ANO6: variants seen among roughly 807,000 people sequenced by gnomAD.
The protein encoded by ANO6 is anoctamin 6.
ANO6 carries 106 observed loss-of-function variants against 117.5 expected under a neutral mutation model. The observed-to-expected ratio is 0.90, with a 90% confidence interval of 0.77 to 1.06. The LOEUF is 1.06. ANO6 is among the 50% of genes least tolerant of loss of function. The pLI is 0.00. For synonymous variants in ANO6, 367 were observed against 385.1 expected (o/e 0.95, Z 0.55); for missense variants, 955 against 1,121.1 (o/e 0.85, Z 2.12).
At chr12:45,377,256 T>C (rs766484080) in intron 9 of ANO6, among the ~76,000 whole-genome samples, 2 of 152,178 alleles carry the variant, frequency 1.3e-5, no homozygotes, top group African/African-American at 2.4e-5. Flanking sequence ...TATAGTAATT[T>C]TTAGGAAATG....
Position 45,350,694 on chromosome 12 carries a change from C to A in ANO6, c.783C>A (p.Cys261Ter), listed in dbSNP as rs747076106. ...GCCGTCAGTCAGAGGATCCCAGCTGCCCTAATGAACGGTACCTTCTGTACA... is the reference window on the plus strand; with the variant it reads ...GCCGTCAGTCAGAGGATCCCAGCTGACCTAATGAACGGTACCTTCTGTACA... Reference protein sequence around the residue: ...KFRRQSEDPSCPNERYLLYRE... With the variant: ...KFRRQSEDPS The change falls in exon 7 of 20, where the codon TGC becomes TGA. Residue 261 changes from cysteine (C) to a stop codon, truncating the protein, a stop_gained. Transcript: ENST00000320560. LOFTEE classifies it high-confidence loss of function. The A allele has an allele frequency of 1.2e-6, 2 of 1,613,814 alleles. No homozygotes were observed. The highest frequency in any genetic ancestry group is 1.1e-5 in the South Asian group (1 of 91,062).
At chr12:45,279,225 A>G (rs752870091) in intron 1 of ANO6, among the ~76,000 whole-genome samples, 1 of 152,054 alleles carries the variant, frequency 6.6e-6, no homozygotes, top group Non-Finnish European at 1.5e-5. Flanking sequence ...CTCCTGCCCT[A>G]CCTTCAGTCC....
chr12:45,421,680 G>A (rs1436352891), intron 18 of ANO6, among the ~76,000 whole-genome samples: 1 of 152,192 alleles, frequency 6.6e-6, no homozygotes, highest in Non-Finnish European at 1.5e-5. Flanking sequence ...TAATACTATT[G>A]TGTTATTCAA....
At chr12:45,261,753 C>G (rs765332237) in intron 1 of ANO6, among the ~76,000 whole-genome samples, 2 of 152,320 alleles carry the variant, frequency 1.3e-5, no homozygotes, top group East Asian at 3.9e-4. Context: ...TGCATTTGAT[C>G]CAGTTGGTCA....
At chr12:45,272,158 A>G (rs886558422) in intron 1 of ANO6, among the ~76,000 whole-genome samples, 2 of 150,358 alleles carry the variant, frequency 1.3e-5, no homozygotes, top group Admixed American at 6.7e-5. Flanking sequence ...AAGATAAAAC[A>G]TGAAGATTTG....
In ANO6 at chr12:45,320,743, G is replaced by A. The variant is rs192252305; in HGVS notation, c.151-10552G>A. 2.1e-3 allele frequency among the ~76,000 whole-genome samples: 317 copies of A among 152,218 alleles called. 1 individual carries two copies. The highest frequency in any genetic ancestry group is 7.1e-3 in the African/African-American group (296 of 41,538). On this transcript the variant is annotated intron_variant, in intron 2 of 19. Coordinates refer to ENST00000320560, the MANE Select transcript of ANO6 (RefSeq NM_001025356.3). ...TGTTAAAGTCTCCCATTATTATTGT[G>A]TGGGTGTCTAAGTCTCTTTGTAGGT... is the stretch of plus-strand genomic sequence containing the variant.
At chr12:45,245,040 G>T (rs1947803870) in intron 1 of ANO6, among the ~76,000 whole-genome samples, 1 of 152,190 alleles carries the variant, frequency 6.6e-6, no homozygotes, top group South Asian at 2.1e-4. Flanking sequence ...GGCAGTGGTA[G>T]TTTCTCAGCT....
chr12:45,378,020 A>G, intron 9 of ANO6, 33 bp from the exon 10 acceptor site: 4 of 1,572,952 alleles, frequency 2.5e-6, no homozygotes, highest in South Asian at 2.2e-5. Flanking sequence ...AGTGGAGGAT[A>G]TGACTCATTT....
chr12:45,272,186 G>GTTTTTTTTTTTT (rs5797936), intron 1 of ANO6, among the ~76,000 whole-genome samples: 2 of 148,866 alleles, frequency 1.3e-5, no homozygotes, highest in Non-Finnish European at 3.0e-5. Flanking sequence ...ACCTTTTTGG[G>GTTTTTTTTTTTT]TTTTTTTTTC....
intron 1 of ANO6, among the ~76,000 whole-genome samples, chr12:45,227,275 C>T (rs1947498598): frequency 6.6e-6 from 1 of 151,968 alleles, no homozygotes; most frequent in African/African-American, 2.4e-5. Context: ...GTAAAGAAAC[C>T]GTTTACTGAT....
At chr12:45,378,944 T>G (rs899948507) in intron 10 of ANO6, among the ~76,000 whole-genome samples, 1 of 152,190 alleles carries the variant, frequency 6.6e-6, no homozygotes, top group African/African-American at 2.4e-5. Context: ...TATGGGAACT[T>G]TACCACTATA....
intron 19 of ANO6, among the ~76,000 whole-genome samples, chr12:45,424,398 C>G (rs10880781): frequency 0.16 from 22,043 of 135,304 alleles, 2,570 homozygotes; most frequent in East Asian, 0.37. Flanking sequence ...GAGTATGATG[C>G]CATGATCTTA....
intron 2 of ANO6, among the ~76,000 whole-genome samples, chr12:45,303,441 G>T (rs1386935753): frequency 6.6e-6 from 1 of 151,970 alleles, no homozygotes; most frequent in Non-Finnish European, 1.5e-5. Flanking sequence ...TTTATTTTTG[G>T]CTCCTTTTGT....
intron 1 of ANO6, among the ~76,000 whole-genome samples, chr12:45,286,150 T>C (rs1274097888): frequency 6.6e-6 from 1 of 152,162 alleles, no homozygotes; most frequent in African/African-American, 2.4e-5. Flanking sequence ...AACAGCACGA[T>C]GGGCAGTGGC....
chr12:45,276,868 A>G (rs1006007594), intron 1 of ANO6, among the ~76,000 whole-genome samples: 1 of 152,088 alleles, frequency 6.6e-6, no homozygotes, highest in African/African-American at 2.4e-5. Flanking sequence ...ATTTTAGTCA[A>G]AGTTTTACAT....
intron 3 of ANO6, among the ~76,000 whole-genome samples, chr12:45,344,468 C>T (rs1262721839): frequency 1.3e-5 from 2 of 152,092 alleles, no homozygotes; most frequent in Admixed American, 6.6e-5. Context: ...AGGAAGAAGG[C>T]ACATCTTACA....
At chr12:45,260,953 G>A (rs932272733) in intron 1 of ANO6, among the ~76,000 whole-genome samples, 3 of 149,752 alleles carry the variant, frequency 2.0e-5, no homozygotes, top group African/African-American at 7.3e-5. Flanking sequence ...GCAACCGGCT[G>A]TTTTTTTTGT....
chr12:45,305,647 C>T (rs1173852278), intron 2 of ANO6, among the ~76,000 whole-genome samples: 1 of 152,012 alleles, frequency 6.6e-6, no homozygotes, highest in Non-Finnish European at 1.5e-5. Flanking sequence ...GAACTGAGGA[C>T]CAGAGACTCA....
chr12:45,393,884 C>CA (rs1156344606), intron 12 of ANO6, among the ~76,000 whole-genome samples: 4 of 152,178 alleles, frequency 2.6e-5, no homozygotes, highest in African/African-American at 9.7e-5. Context: ...CCAGCCCCAG[C>CA]AAAAACATGC....
Sources: gnomAD v4.1 joint callset for allele counts (sites outside exome capture counted in the v4.1 genomes callset) on GRCh38, gnomAD v4.1.1 for gene constraint, MANE v1.5 for transcripts, NCBI Gene and HGNC (gene_info 2026-07-23, HGNC 2026-07-21) for gene names.